MICAL3: variants seen among roughly 807,000 people sequenced by gnomAD.
The protein encoded by MICAL3 is microtubule associated monooxygenase, calponin and LIM domain containing 3.
MICAL3 carries 62 observed loss-of-function variants against 207.4 expected under a neutral mutation model. The ratio of observed to expected loss-of-function variants is 0.30; its 90% CI spans 0.24 to 0.37. The LOEUF (loss-of-function observed/expected upper bound fraction) is 0.37. Ranked by LOEUF, MICAL3 falls within the 10% of genes least tolerant of loss-of-function variation. The pLI, the probability that MICAL3 is intolerant of heterozygous loss-of-function variation, is 1.00. For synonymous variants in MICAL3, 1,077 were observed against 1,069.3 expected, an observed-to-expected ratio of 1.01 and a Z score of -0.14; for missense variants, 2,368 against 2,635.6, an observed-to-expected ratio of 0.90 and a Z score of 2.22.
At chr22:17,881,257 G>T (rs766218358) in intron 16 of MICAL3, 1 of 1,611,994 alleles carries the variant, frequency 6.2e-7, no homozygotes, top group South Asian at 1.1e-5. Flanking sequence ...AGGAGACAGG[G>T]TGATCACTTT....
At position 17,875,682 on chromosome 22, in the gene MICAL3, T is replaced by TTAAA. The variant is rs771912643; in HGVS notation, c.2242-3660_2242-3659insTTTA. Reference sequence around the variant, plus strand: ...ACCTTTATCTAAATACCATGTATAGTAAAAAAAAAAAAAAAAAAAAAGTAG... The same window carrying TTAAA: ...ACCTTTATCTAAATACCATGTATAGTTAAAAAAAAAAAAAAAAAAAAAAAAGTAG... On this transcript the variant is annotated intron_variant, in intron 16 of 31. Transcript: ENST00000441493. 346 of 170,664 alleles carry TTAAA rather than the reference T, an allele frequency of 2.0e-3. 2 individuals are homozygous for TTAAA. Among genetic ancestry groups the TTAAA allele is most frequent in the Middle Eastern group, 7.7e-3 (3 of 390 alleles). 10.6% of individuals were successfully genotyped at this position (170,664 alleles called of 1,614,324 possible).
At chr22:17,898,633 A>C (rs1484062393) in intron 7 of MICAL3, among the ~76,000 whole-genome samples, 3 of 152,222 alleles carry the variant, frequency 2.0e-5, no homozygotes, top group Non-Finnish European at 4.4e-5. Context: ...AATCAGCACA[A>C]CTGGTGTCTC....
rs1206175263 is a variant in MICAL3 at position 17,901,959 on chromosome 22, C to A, written c.610G>T (p.Val204Leu). The change falls in exon 5 of 32, where the codon GTG becomes TTG. Residue 204 changes from valine to leucine, a missense_variant. Val to Leu is a conservative substitution (Grantham distance 32, BLOSUM62 1). Coordinates refer to ENST00000441493, the MANE Select transcript of MICAL3 (RefSeq NM_015241.3). ...GACACAGGATGAGTCTTGGGGTGCA[C>A]CAGTGCCCGCCAGCCTATCCCTGTG... ...ENERIGWRALVHPKTHPVSEY... is the reference protein window; with the variant it reads ...ENERIGWRALLHPKTHPVSEY... 6.2e-7 allele frequency: 1 copy of A among 1,613,422 alleles called. No homozygotes were observed. Among genetic ancestry groups the A allele is most frequent in the Admixed American group, 1.7e-5 (1 of 60,010 alleles).
Position 17,946,690 on chromosome 22 carries a change from T to C in MICAL3, c.-74-39804A>G, listed in dbSNP as rs148889552. ...GGGAAAGTTCCTCTTATGTGGAAGA[T>C]AGAGGAAAAGCCAATGGCTAATGTG... On this transcript the variant is annotated intron_variant, in intron 1 of 31. Transcript: ENST00000441493. 4.1e-3 allele frequency among the ~76,000 whole-genome samples: 621 copies of C among 152,238 alleles called. 3 individuals are homozygous for C. Among genetic ancestry groups the C allele is most frequent in the African/African-American group, 0.014 (581 of 41,528 alleles).
chr22:17,912,741 G>T (rs920934285), intron 1 of MICAL3, among the ~76,000 whole-genome samples: 2 of 152,136 alleles, frequency 1.3e-5, no homozygotes, highest in African/African-American at 4.8e-5. Context: ...GAATCTGTAG[G>T]ATTTTCTACA....
intron 18 of MICAL3, 115 bp downstream of exon 18, chr22:17,865,809 G>A (rs999567176): frequency 9.8e-6 from 8 of 813,438 alleles, no homozygotes; most frequent in East Asian, 2.5e-5. Flanking sequence ...GGCCCTCCCC[G>A]TTCCCAGGAG....
chr22:17,807,756 C>A (rs141330033), intron 29 of MICAL3, among the ~76,000 whole-genome samples: 1,546 of 152,330 alleles, frequency 0.01, 16 homozygotes, highest in Middle Eastern at 0.048. Flanking sequence ...ATGGGTCAGT[C>A]TTTGAGCAAG....
chr22:17,920,356 G>A (rs911730138), intron 1 of MICAL3, among the ~76,000 whole-genome samples: 29 of 151,894 alleles, frequency 1.9e-4, no homozygotes, highest in Admixed American at 8.5e-4. Context: ...CCCCCAGCCC[G>A]TCCCCACCCT....
chr22:17,826,161 T>G (rs963839750), intron 22 of MICAL3, among the ~76,000 whole-genome samples: 1 of 151,886 alleles, frequency 6.6e-6, no homozygotes, highest in Non-Finnish European at 1.5e-5. Flanking sequence ...AAACTCTCAG[T>G]GCCAAAAACG....
chr22:17,813,968 T>C (rs1304225505), intron 27 of MICAL3: 1 of 152,224 alleles, frequency 6.6e-6, no homozygotes, highest in South Asian at 2.1e-4. Flanking sequence ...AAAGTCTGAA[T>C]TATCCTAAAT....
chr22:18,017,215 C>CTT lies in MICAL3; in HGVS notation c.-75+7064_-75+7065dup, dbSNP rs550219938. ...GAATTATTGGTTTAACAGAGGTTAA[C>CTT]TTTTTTTTTTTTTTTGAGACGGAGT... On this transcript the variant is annotated intron_variant, in intron 1 of 31. Transcript: ENST00000441493. Among the ~76,000 whole-genome samples, 199 of 144,642 alleles carry CTT rather than the reference C, an allele frequency of 1.4e-3. 2 individuals are homozygous for CTT. The highest frequency in any genetic ancestry group is 2.1e-3 in the Non-Finnish European group (137 of 65,720). 94.9% of individuals were successfully genotyped at this position (144,642 alleles called of 152,430 possible).
chr22:18,019,733 A>G (rs1602409552), intron 1 of MICAL3: 1 of 215,650 alleles, frequency 4.6e-6, no homozygotes, highest in Admixed American at 4.8e-5. Context: ...AAGGGTGATC[A>G]GGGAAGCTTT....
At chr22:17,837,409 T>C (rs1480850208) in intron 20 of MICAL3, among the ~76,000 whole-genome samples, 1 of 152,260 alleles carries the variant, frequency 6.6e-6, no homozygotes, top group Non-Finnish European at 1.5e-5. Context: ...CATACCTGTG[T>C]GTGCTAGCCC....
At chr22:17,814,573 T>C (rs934374282) in intron 27 of MICAL3, 1 of 152,252 alleles carries the variant, frequency 6.6e-6, no homozygotes, top group Non-Finnish European at 1.5e-5. Flanking sequence ...TTTGGTTTGT[T>C]TTCCTCTTTA....
chr22:17,831,814 G>A (rs182044252), intron 21 of MICAL3, 40 bp downstream of exon 21: 5 of 1,538,012 alleles, frequency 3.3e-6, no homozygotes, highest in Non-Finnish European at 3.5e-6. Flanking sequence ...GATCACTTTG[G>A]GGGGCAGGGC....
intron 26 of MICAL3, 106 bp downstream of exon 26, chr22:17,817,205 C>T: frequency 7.3e-7 from 1 of 1,370,938 alleles, no homozygotes; most frequent in Admixed American, 2.6e-5. Context: ...CTCCTGAGAA[C>T]CCTCGGCGGG....
At chr22:17,851,870 C>T (rs924490383) in intron 19 of MICAL3, among the ~76,000 whole-genome samples, 1 of 152,194 alleles carries the variant, frequency 6.6e-6, no homozygotes, top group African/African-American at 2.4e-5. Flanking sequence ...GAGTTTGGTT[C>T]CGGGAAGCAG....
Position 17,832,060 on chromosome 22 carries a change from TCCTCCTCCTCCTCCTCTC to T in MICAL3, c.2831_2848del (p.Gly944_Glu949del), listed in dbSNP as rs751988007. 3.3e-6 allele frequency: 5 copies of T among 1,524,960 alleles called. No individual in the cohort carries two copies. In the South Asian group the frequency reaches 6.0e-5, roughly 18 times the overall value. The allele number at this position is 1,524,960 out of a possible 1,614,324, so 94.5% of individuals were successfully genotyped here. On this transcript the variant is annotated inframe_deletion, in exon 21 of 32. Transcript: ENST00000441493. ...CAGGTCAGATGGGGGCAGGCGAGGCTCCTCCTCCTCCTCCTCTCCCTCCTCCTCCATCTCAGACTCGGA... is the reference window on the plus strand; with the variant it reads ...CAGGTCAGATGGGGGCAGGCGAGGCTCCTCCTCCTCCATCTCAGACTCGGA...
At chr22:17,939,016 A>G (rs1569139787) in intron 1 of MICAL3, among the ~76,000 whole-genome samples, 1 of 152,158 alleles carries the variant, frequency 6.6e-6, no homozygotes, top group Non-Finnish European at 1.5e-5. Flanking sequence ...GGAGAGGTGG[A>G]GCCTTCAGGA....
Sources: allele counts gnomAD v4.1 joint callset (sites outside exome capture counted in the v4.1 genomes callset), GRCh38; gene constraint gnomAD v4.1.1; transcripts MANE v1.5; gene names NCBI Gene and HGNC (gene_info 2026-07-23, HGNC 2026-07-21).